TBC1D32: variants seen among roughly 807,000 people sequenced by gnomAD.
TBC1D32 encodes the protein TBC1 domain family member 32.
Under a neutral mutation model 170.3 loss-of-function variants are expected in TBC1D32, and 151 were observed. The ratio of observed to expected loss-of-function variants is 0.89; its 90% CI spans 0.78 to 1.01. TBC1D32 has a LOEUF of 1.01. Among genes scored for constraint, TBC1D32 ranks in the 50% least tolerant of loss-of-function variants. The pLI is 0.00. For missense variants in TBC1D32, 1,464 were observed against 1,457.1 expected (o/e 1.00, Z -0.08); for synonymous variants, 498 against 488.0 (o/e 1.02, Z -0.27).
At chr6:121,142,436 A>C (rs1054706493) in intron 24 of TBC1D32, among the ~76,000 whole-genome samples, 2 of 152,248 alleles carry the variant, frequency 1.3e-5, no homozygotes, top group African/African-American at 4.8e-5. Context: ...GTAAATATAC[A>C]TCCAAAAGGT....
chr6:121,317,908 T>C (rs998593789), intron 2 of TBC1D32, among the ~76,000 whole-genome samples: 3 of 152,056 alleles, frequency 2.0e-5, no homozygotes, highest in African/African-American at 4.8e-5. Flanking sequence ...GGTTTTTTCA[T>C]GGTTACATGG....
intron 21 of TBC1D32, among the ~76,000 whole-genome samples, chr6:121,212,151 T>G (rs1793148291): frequency 6.6e-6 from 1 of 151,892 alleles, no homozygotes; most frequent in African/African-American, 2.4e-5. Context: ...TGGACACATA[T>G]GCCCCCCCAA....
chr6:121,276,782 G>T (rs1802280133), intron 15 of TBC1D32, among the ~76,000 whole-genome samples: 2 of 152,092 alleles, frequency 1.3e-5, no homozygotes, highest in Non-Finnish European at 2.9e-5. Context: ...AAAGCAGACT[G>T]CAAAGCAAGG....
chr6:121,156,153 T>C lies in TBC1D32; in HGVS notation c.2773+3857A>G, dbSNP rs550231038. Among the ~76,000 whole-genome samples the C allele has an allele frequency of 2.0e-5, 3 of 151,972 alleles. No individual in the cohort carries two copies. The East Asian group carries it at 5.8e-4, about 29-fold the overall frequency. ...CCATCTGGTCCCAGGCTTTTTTTTT[T>C]TGGTTGTTAGGCTTTGTATTACTGA... On this transcript the variant is annotated intron_variant, in intron 24 of 31. Coordinates refer to ENST00000398212, the MANE Select transcript of TBC1D32 (RefSeq NM_152730.6).
intron 15 of TBC1D32, among the ~76,000 whole-genome samples, chr6:121,267,774 C>T (rs1259398407): frequency 6.6e-6 from 1 of 152,064 alleles, no homozygotes; most frequent in African/African-American, 2.4e-5. Context: ...GTGGTTCTCC[C>T]TCTCTCCTCC....
chr6:121,270,926 C>A (rs1029592534), intron 15 of TBC1D32, among the ~76,000 whole-genome samples: 7 of 152,156 alleles, frequency 4.6e-5, no homozygotes, highest in Non-Finnish European at 7.3e-5. Context: ...AACAAGTTGA[C>A]TTCATCCCTG....
Position 121,205,181 on chromosome 6 carries a change from A to T in TBC1D32, c.2482-18T>A, listed in dbSNP as rs778118810. The T allele has an allele frequency of 1.3e-5, 16 of 1,229,142 alleles. No homozygotes were observed. In the South Asian group the frequency reaches 2.3e-4, roughly 18 times the overall value. The allele number at this position is 1,229,142 out of a possible 1,614,324, so 76.1% of individuals were successfully genotyped here. On this transcript the variant is annotated intron_variant, in intron 21 of 31. Transcript: ENST00000398212. ...ATAATATCCTGAAAAAGACAGACAA[A>T]ATGAGACTGTATTTAACTGATATCA...
intron 21 of TBC1D32, among the ~76,000 whole-genome samples, chr6:121,221,856 C>T (rs1228642806): frequency 6.6e-6 from 1 of 152,214 alleles, no homozygotes; most frequent in African/African-American, 2.4e-5. Flanking sequence ...TAAAATATTA[C>T]ATAAACTTAG....
chr6:121,207,179 T>A (rs6941956), intron 21 of TBC1D32, among the ~76,000 whole-genome samples: 134,059 of 151,824 alleles, frequency 0.88, 59,645 homozygotes, highest in East Asian at 0.98. Flanking sequence ...GGAATCATTA[T>A]ACTTCTTGTA....
At position 121,254,408 on chromosome 6, in the gene TBC1D32, T is replaced by A. The variant is rs957550428; in HGVS notation, c.2018+920A>T. 1.4e-4 allele frequency among the ~76,000 whole-genome samples: 21 copies of A among 151,964 alleles called. 2 individuals carry two copies. Among genetic ancestry groups the A allele is most frequent in the Admixed American group, 1.2e-3 (19 of 15,252 alleles). On this transcript the variant is annotated intron_variant, in intron 17 of 31. Coordinates refer to ENST00000398212, the MANE Select transcript of TBC1D32 (RefSeq NM_152730.6). ...TTGAAATAAAAATTGAAATCACTACTGAAATTAAAAATGAAAATTAATTAT... is the reference window on the plus strand; with the variant it reads ...TTGAAATAAAAATTGAAATCACTACAGAAATTAAAAATGAAAATTAATTAT...
intron 30 of TBC1D32, among the ~76,000 whole-genome samples, chr6:121,098,292 T>C (rs1250192831): frequency 6.6e-6 from 1 of 151,930 alleles, no homozygotes; most frequent in African/African-American, 2.4e-5. Context: ...ATAGGTATGA[T>C]TTATAAATGA....
At chr6:121,258,256 G>A (rs559882271) in intron 15 of TBC1D32, among the ~76,000 whole-genome samples, 1 of 152,044 alleles carries the variant, frequency 6.6e-6, no homozygotes, top group African/African-American at 2.4e-5. Flanking sequence ...TGCAGTTTAA[G>A]ATTACTTTGA....
chr6:121,177,857 G>C (rs1787984370), intron 22 of TBC1D32, among the ~76,000 whole-genome samples: 1 of 152,102 alleles, frequency 6.6e-6, no homozygotes, highest in East Asian at 1.9e-4. Context: ...AAGCATTTCA[G>C]ATAAGGATAC....
At chr6:121,162,189 T>G (rs917232131) in intron 22 of TBC1D32, among the ~76,000 whole-genome samples, 3 of 152,220 alleles carry the variant, frequency 2.0e-5, no homozygotes, top group Admixed American at 1.3e-4. Flanking sequence ...CAGAAGCTTT[T>G]TAGTCTAATT....
intron 24 of TBC1D32, among the ~76,000 whole-genome samples, chr6:121,152,323 G>A (rs1784325269): frequency 6.6e-6 from 1 of 152,132 alleles, no homozygotes; most frequent in African/African-American, 2.4e-5. Context: ...GTTGAACATT[G>A]GCCTCCACTC....
intron 4 of TBC1D32, among the ~76,000 whole-genome samples, chr6:121,308,378 A>G (rs773212256): frequency 3.9e-5 from 6 of 151,978 alleles, no homozygotes; most frequent in Non-Finnish European, 7.4e-5. Flanking sequence ...AATGGGAGGA[A>G]GAATGGTAGT....
intron 20 of TBC1D32, among the ~76,000 whole-genome samples, chr6:121,227,893 T>G (rs1284194453): frequency 6.6e-6 from 1 of 152,156 alleles, no homozygotes; most frequent in African/African-American, 2.4e-5. Context: ...TACAAATGTT[T>G]CATAGAATCC....
chr6:121,177,927 C>T (rs1787990962), intron 22 of TBC1D32, among the ~76,000 whole-genome samples: 1 of 152,076 alleles, frequency 6.6e-6, no homozygotes, highest in African/African-American at 2.4e-5. Flanking sequence ...AGTCCTTTTT[C>T]ACACTGCTGA....
Position 121,252,752 on chromosome 6 carries a change from AAC to A in TBC1D32, c.2018+2574_2018+2575del, listed in dbSNP as rs143342004. ...AATGTATAATAAATAAAAAAATAAA[AAC>A]AGACATGTAGACCAATGGAACAGAA... On this transcript the variant is annotated intron_variant, in intron 17 of 31. Transcript: ENST00000398212. Among the ~76,000 whole-genome samples, 1,339 of 152,284 alleles carry A rather than the reference AAC, an allele frequency of 8.8e-3. 21 individuals carry two copies. The highest frequency in any genetic ancestry group is 0.03 in the African/African-American group (1,265 of 41,544).
Sources: gnomAD v4.1 joint callset for allele counts (sites outside exome capture counted in the v4.1 genomes callset) on GRCh38, gnomAD v4.1.1 for gene constraint, MANE v1.5 for transcripts, NCBI Gene and HGNC (gene_info 2026-07-23, HGNC 2026-07-21) for gene names.